TTC28: variants seen among roughly 807,000 people sequenced by gnomAD.
TTC28 encodes tetratricopeptide repeat protein 28.
A neutral mutation model predicts 198.0 loss-of-function variants in TTC28; 61 were observed. That is an observed-to-expected ratio of 0.31 (90% CI 0.25 to 0.38). The LOEUF (loss-of-function observed/expected upper bound fraction) is 0.38. TTC28 is among the 10% of genes least tolerant of loss of function. TTC28 has a pLI of 1.00. For synonymous variants in TTC28, 1,171 were observed against 1,297.8 expected, an observed-to-expected ratio of 0.90 and a Z score of 2.10; for missense variants, 2,678 against 3,164.0, an observed-to-expected ratio of 0.85 and a Z score of 3.69.
chr22:28,097,303 T>C (rs770590903), intron 10 of TTC28, among the ~76,000 whole-genome samples: 2 of 152,250 alleles, frequency 1.3e-5, no homozygotes, highest in Admixed American at 6.5e-5. Flanking sequence ...GCACTACATG[T>C]AAAGATGGCT....
intron 19 of TTC28, among the ~76,000 whole-genome samples, chr22:27,991,961 GGTTAAGTACTTTGATC>G (rs1167425065): frequency 6.6e-6 from 1 of 152,216 alleles, no homozygotes; most frequent in Non-Finnish European, 1.5e-5. Flanking sequence ...TTTCAGGCAT[GGTTAAGTACTTTGATC>G]AAAGAAGCGT....
At chr22:28,394,341 C>G (rs1010105021) in intron 2 of TTC28, among the ~76,000 whole-genome samples, 1 of 152,178 alleles carries the variant, frequency 6.6e-6, no homozygotes, top group African/African-American at 2.4e-5. Flanking sequence ...TTGAATATAA[C>G]ACTTAAAAGT....
At chr22:28,242,437 A>G (rs937429367) in intron 5 of TTC28, among the ~76,000 whole-genome samples, 7 of 152,230 alleles carry the variant, frequency 4.6e-5, no homozygotes, top group Admixed American at 1.3e-4. Flanking sequence ...AGGTAAAATA[A>G]TTATAAAATA....
chr22:28,554,371 T>TAAA (rs35063705), intron 2 of TTC28, among the ~76,000 whole-genome samples: 1,975 of 123,086 alleles, frequency 0.016, 70 homozygotes, highest in African/African-American at 0.057. Context: ...AATGATCAAT[T>TAAA]AAAAAAAAAA....
intron 2 of TTC28, among the ~76,000 whole-genome samples, chr22:28,359,926 C>T (rs1461189348): frequency 1.3e-5 from 2 of 152,210 alleles, no homozygotes; most frequent in East Asian, 3.9e-4. Context: ...AAATACCATA[C>T]ACTTTGAGAT....
intron 2 of TTC28, among the ~76,000 whole-genome samples, chr22:28,607,481 A>G (rs2050753036): frequency 6.6e-6 from 1 of 152,188 alleles, no homozygotes; most frequent in African/African-American, 2.4e-5. Flanking sequence ...TGAAAAACTG[A>G]ATTTTCATCT....
At chr22:28,544,592 A>G (rs1431321165) in intron 2 of TTC28, among the ~76,000 whole-genome samples, 5 of 152,302 alleles carry the variant, frequency 3.3e-5, no homozygotes, top group Middle Eastern at 3.4e-3. Context: ...GAGGTAAGAC[A>G]TTCTTAGTCA....
chr22:28,152,328 T>C (rs1015647932), intron 6 of TTC28, among the ~76,000 whole-genome samples: 1 of 152,152 alleles, frequency 6.6e-6, no homozygotes, highest in African/African-American at 2.4e-5. Flanking sequence ...TAGTGGTGCT[T>C]CCTTTTTCAT....
intron 5 of TTC28, among the ~76,000 whole-genome samples, chr22:28,246,876 C>T (rs1467436286): frequency 6.6e-6 from 1 of 152,026 alleles, no homozygotes; most frequent in Non-Finnish European, 1.5e-5. Flanking sequence ...TGGGGATGTG[C>T]TACACTTCAA....
At chr22:28,531,985 T>C (rs1002755428) in intron 2 of TTC28, among the ~76,000 whole-genome samples, 4 of 152,020 alleles carry the variant, frequency 2.6e-5, no homozygotes, top group African/African-American at 4.8e-5. Flanking sequence ...CACCCTAACA[T>C]CACAATTAAA....
At chr22:28,070,177 A>G (rs966230446) in intron 12 of TTC28, among the ~76,000 whole-genome samples, 7 of 152,214 alleles carry the variant, frequency 4.6e-5, no homozygotes, top group African/African-American at 1.2e-4. Flanking sequence ...TAATCATTCA[A>G]TGAATATTCC....
intron 2 of TTC28, among the ~76,000 whole-genome samples, chr22:28,537,207 G>T (rs2049298606): frequency 6.6e-6 from 1 of 151,358 alleles, no homozygotes; most frequent in Admixed American, 6.6e-5. Context: ...GCAGGAGAAT[G>T]GCGTGAACCT....
At chr22:28,062,367 T>C (rs1376514440) in intron 12 of TTC28, among the ~76,000 whole-genome samples, 4 of 151,680 alleles carry the variant, frequency 2.6e-5, no homozygotes, top group Non-Finnish European at 4.4e-5. Flanking sequence ...GGTGGTCTAC[T>C]ATCTTATTAT....
chr22:27,989,665 C>T (rs758307279), intron 21 of TTC28, among the ~76,000 whole-genome samples: 5 of 152,058 alleles, frequency 3.3e-5, no homozygotes, highest in Middle Eastern at 3.2e-3. Context: ...CCAGGCTGGA[C>T]TCAAACACCT....
Position 28,522,324 on chromosome 22 carries a change from T to G in TTC28, c.381+107228A>C, listed in dbSNP as rs899772739. On this transcript the variant is annotated intron_variant, in intron 2 of 22. Coordinates refer to ENST00000397906, the MANE Select transcript of TTC28 (RefSeq NM_001145418.2). ...CAACATGATGAAACCCTGTCTCTAC[T>G]AAAAATACGAAAAATTAGCTGGGCG... Among the ~76,000 whole-genome samples the G allele has an allele frequency of 7.2e-5, 11 of 152,076 alleles. No homozygotes were observed. The East Asian group carries it at 9.7e-4, about 13-fold the overall frequency.
chr22:28,584,947 C>T (rs887295362), intron 2 of TTC28, among the ~76,000 whole-genome samples: 1 of 150,882 alleles, frequency 6.6e-6, no homozygotes, highest in African/African-American at 2.4e-5. Context: ...AGGTAGAAAC[C>T]TAGACTTCCA....
intron 2 of TTC28, among the ~76,000 whole-genome samples, chr22:28,606,442 G>C (rs1168168135): frequency 1.3e-5 from 2 of 152,058 alleles, no homozygotes; most frequent in Non-Finnish European, 2.9e-5. Context: ...AAAGTATGTA[G>C]GGGTATGTCT....
At chr22:28,311,189 A>C (rs898878772) in intron 2 of TTC28, among the ~76,000 whole-genome samples, 1 of 149,598 alleles carries the variant, frequency 6.7e-6, no homozygotes, top group Non-Finnish European at 1.5e-5. Flanking sequence ...TAGTGAATAT[A>C]TGCTTTCCAT....
chr22:28,630,735 ATCT>A (rs1487602708), intron 1 of TTC28, among the ~76,000 whole-genome samples: 12 of 152,140 alleles, frequency 7.9e-5, no homozygotes, highest in African/African-American at 2.4e-4. Flanking sequence ...GAAGACAATA[ATCT>A]TCTCTCAAAG....
Sources: gnomAD v4.1 joint callset for allele counts (sites outside exome capture counted in the v4.1 genomes callset) on GRCh38, gnomAD v4.1.1 for gene constraint, MANE v1.5 for transcripts, NCBI Gene and HGNC (gene_info 2026-07-23, HGNC 2026-07-21) for gene names.